TEKTL1: variants seen among roughly 807,000 people sequenced by gnomAD.
The protein encoded by TEKTL1 is tektin like 1, also known as tektin-like protein 1.
the TEKTL1 span, chr19:15,021,569 C>G: frequency 1.2e-6 from 2 of 1,613,310 alleles, no homozygotes; most frequent in Admixed American, 3.3e-5. Context: ...GGGGAGGAGA[C>G]GCGGACTGGG....
the TEKTL1 span, chr19:15,013,856 G>T: frequency 1.2e-6 from 1 of 810,980 alleles, no homozygotes; most frequent in Non-Finnish European, 2.1e-6. Context: ...TCTGACCTGG[G>T]GACTGTCACA....
chr19:15,020,983 G>A, the TEKTL1 span, among the ~76,000 whole-genome samples: 3 of 151,730 alleles, frequency 2.0e-5, no homozygotes, highest in African/African-American at 7.3e-5. Context: ...AGGTTCAAGT[G>A]ATTCTCCTGC....
At chr19:15,018,732 A>ATATATATATATATATATATATATATT in the TEKTL1 span, among the ~76,000 whole-genome samples, 139 of 78,622 alleles carry the variant, frequency 1.8e-3, 19 homozygotes, top group Middle Eastern at 0.014. Flanking sequence ...ATATATATAT[A>ATATATATATATATATATATATATATT]ACTTCCCTGG....
At chr19:15,017,668 C>T in the TEKTL1 span, among the ~76,000 whole-genome samples, 1 of 152,130 alleles carries the variant, frequency 6.6e-6, no homozygotes, top group Non-Finnish European at 1.5e-5. Context: ...AGTGCCAGCT[C>T]TCCATGTTAC....
At chr19:15,021,562 G>T in the TEKTL1 span, 1 of 1,613,566 alleles carries the variant, frequency 6.2e-7, no homozygotes, top group Non-Finnish European at 8.5e-7. Flanking sequence ...TGGGACAGGG[G>T]AGGAGACGCG....
chr19:15,013,705 G>C, the TEKTL1 span: 1 of 1,613,852 alleles, frequency 6.2e-7, no homozygotes, highest in Non-Finnish European at 8.5e-7. Flanking sequence ...GCTTACATGG[G>C]AGAAAGAGGA....
At chr19:15,023,203 T>A in the TEKTL1 span, 1 of 1,280,718 alleles carries the variant, frequency 7.8e-7, no homozygotes, top group Non-Finnish European at 1.1e-6. Flanking sequence ...TGGCCCTCCC[T>A]CTCCCCTGAC....
chr19:15,022,199 A>G, the TEKTL1 span, among the ~76,000 whole-genome samples: 2 of 152,184 alleles, frequency 1.3e-5, no homozygotes, highest in Non-Finnish European at 2.9e-5. Flanking sequence ...TCTAACCTGT[A>G]AAATGAGGAG....
the TEKTL1 span, chr19:15,020,733 A>C: frequency 7.6e-7 from 1 of 1,308,810 alleles, no homozygotes. Context: ...CCCGTCGCCC[A>C]CTTAGCTGTC....
the TEKTL1 span, chr19:15,011,273 C>A: frequency 6.6e-7 from 1 of 1,520,592 alleles, no homozygotes; most frequent in Non-Finnish European, 8.8e-7. Context: ...GATTAACGGG[C>A]GGGTGCGACA....
At chr19:15,018,142 C>G in the TEKTL1 span, among the ~76,000 whole-genome samples, 1 of 152,148 alleles carries the variant, frequency 6.6e-6, no homozygotes, top group South Asian at 2.1e-4. Context: ...CACCTGAGGT[C>G]AGAAGTTTCA....
the TEKTL1 span, chr19:15,022,922 G>A: frequency 1.7e-5 from 27 of 1,608,518 alleles, 1 homozygote; most frequent in South Asian, 2.9e-4. Context: ...GAACCTGGAC[G>A]AGCTGCTCGC....
At chr19:15,022,846 C>T in the TEKTL1 span, 5 of 1,563,272 alleles carry the variant, frequency 3.2e-6, no homozygotes, top group East Asian at 2.4e-5. Flanking sequence ...CTCTGGCTCA[C>T]GGGTCTGCCC....
chr19:15,021,299 G>A, the TEKTL1 span: 2 of 1,597,244 alleles, frequency 1.3e-6, no homozygotes, highest in Non-Finnish European at 1.7e-6. Flanking sequence ...AGAGGGACAG[G>A]GGCTCTGGGA....
At chr19:15,021,581 G>A in the TEKTL1 span, 14 of 1,613,556 alleles carry the variant, frequency 8.7e-6, no homozygotes, top group Non-Finnish European at 1.2e-5. Flanking sequence ...CGGACTGGGA[G>A]CCAGCGTGAT....
chr19:15,011,536 CCAGCCTGACCAACATGG>C, the TEKTL1 span: 1 of 641,260 alleles, frequency 1.6e-6, no homozygotes, highest in East Asian at 3.4e-5. Context: ...GAATTCGAGA[CCAGCCTGACCAACATGG>C]TGAAACCCCC....
At chr19:15,021,723 G>C in the TEKTL1 span, 1 of 1,613,840 alleles carries the variant, frequency 6.2e-7, no homozygotes, top group Admixed American at 1.7e-5. Context: ...TACGGTTCGG[G>C]GTGAGAGCCT....
chr19:15,023,165 G>T, the TEKTL1 span: 5 of 1,515,464 alleles, frequency 3.3e-6, no homozygotes, highest in Admixed American at 6.6e-5. Flanking sequence ...GATGCTGGCT[G>T]GGACCTCGGA....
the TEKTL1 span, chr19:15,011,409 C>A: frequency 7.1e-7 from 1 of 1,410,646 alleles, no homozygotes; most frequent in Non-Finnish European, 9.2e-7. Flanking sequence ...GGACCCTCCC[C>A]CACGCCCAAC....
Sources: allele counts gnomAD v4.1 joint callset (sites outside exome capture counted in the v4.1 genomes callset), GRCh38; gene constraint gnomAD v4.1.1; transcripts MANE v1.5; gene names NCBI Gene and HGNC (gene_info 2026-07-23, HGNC 2026-07-21).